DEPTOR: variants seen among roughly 807,000 people sequenced by gnomAD.
DEPTOR encodes DEP domain-containing mTOR-interacting protein.
A neutral mutation model predicts 41.6 loss-of-function variants in DEPTOR; 41 were observed. That is an observed-to-expected ratio of 0.98 (90% confidence interval 0.77 to 1.28). The LOEUF (loss-of-function observed/expected upper bound fraction) is 1.28. DEPTOR is among the 50% of genes most tolerant of loss of function. The pLI, the probability that DEPTOR is intolerant of heterozygous loss-of-function variation, is 0.00. For missense variants in DEPTOR, 514 were observed against 527.9 expected (o/e 0.97, Z 0.26); for synonymous variants, 195 against 192.3 (o/e 1.01, Z -0.12).
intron 1 of DEPTOR, among the ~76,000 whole-genome samples, chr8:119,910,760 C>T (rs1266566393): frequency 6.6e-6 from 1 of 152,158 alleles, no homozygotes; most frequent in African/African-American, 2.4e-5. Flanking sequence ...CATTTTAACT[C>T]ACATTCTGTT....
intron 8 of DEPTOR, among the ~76,000 whole-genome samples, chr8:120,027,916 T>C (rs1812822716): frequency 6.6e-6 from 1 of 152,142 alleles, no homozygotes; most frequent in Non-Finnish European, 1.5e-5. Flanking sequence ...CAGACTCAGT[T>C]GGTCTGGGGT....
At chr8:119,986,165 C>T (rs999775167) in intron 4 of DEPTOR, among the ~76,000 whole-genome samples, 1 of 152,032 alleles carries the variant, frequency 6.6e-6, no homozygotes, top group Non-Finnish European at 1.5e-5. Flanking sequence ...GTGGCTCGTA[C>T]TGGTTGTTCC....
intron 4 of DEPTOR, among the ~76,000 whole-genome samples, chr8:119,972,748 T>G (rs1486510775): frequency 6.6e-6 from 1 of 152,018 alleles, no homozygotes; most frequent in Admixed American, 6.6e-5. Context: ...GAAGATGAGA[T>G]GCTAACTGCA....
chr8:120,030,965 G>A (rs66608823), intron 8 of DEPTOR, among the ~76,000 whole-genome samples: 40,796 of 151,824 alleles, frequency 0.27, 5,737 homozygotes, highest in South Asian at 0.47. Context: ...GGCAGGAGGC[G>A]TATGGAAAGT....
Position 119,923,745 on chromosome 8 carries a change from T to C in DEPTOR, c.123-4655T>C, listed in dbSNP as rs1827927394. 8.5e-5 allele frequency among the ~76,000 whole-genome samples: 13 copies of C among 152,172 alleles called. No individual in the cohort carries two copies. In the South Asian group the frequency reaches 2.7e-3, roughly 32 times the overall value. On this transcript the variant is annotated intron_variant, in intron 1 of 8. Transcript: ENST00000286234. ...TTATTTTCTTGACTTTATGTTCTTT[T>C]TAAATTGTTTTAAAATTTTTTATAG...
intron 1 of DEPTOR, among the ~76,000 whole-genome samples, chr8:119,889,664 GGGAGGGGAGA>G (rs1230627583): frequency 8.3e-6 from 1 of 121,164 alleles, no homozygotes; most frequent in Admixed American, 8.3e-5. Context: ...GGGAGGGGAG[GGGAGGGGAGA>G]GGAGGGGAGG....
intron 4 of DEPTOR, among the ~76,000 whole-genome samples, chr8:119,979,167 G>A (rs1828732399): frequency 6.6e-6 from 1 of 152,148 alleles, no homozygotes; most frequent in African/African-American, 2.4e-5. Flanking sequence ...AAATATGTGT[G>A]TTGATTAATA....
intron 8 of DEPTOR, among the ~76,000 whole-genome samples, chr8:120,030,497 G>GTTTCTTTTTTTTTTTTTTTTT (rs1207108457): frequency 2.2e-5 from 1 of 46,192 alleles, no homozygotes; most frequent in Non-Finnish European, 3.7e-5. Flanking sequence ...AGGTTCATCA[G>GTTTCTTTTTTTTTTTTTTTTT]TTTTTTTTTT....
At chr8:119,936,939 G>A (rs536397945) in intron 3 of DEPTOR, among the ~76,000 whole-genome samples, 4 of 152,140 alleles carry the variant, frequency 2.6e-5, no homozygotes, top group African/African-American at 4.8e-5. Flanking sequence ...TGGGAGAATT[G>A]CTTGAACCTG....
At chr8:119,906,825 T>C (rs139419078) in intron 1 of DEPTOR, among the ~76,000 whole-genome samples, 5 of 152,310 alleles carry the variant, frequency 3.3e-5, no homozygotes, top group African/African-American at 1.2e-4. Flanking sequence ...CTGTTTATCT[T>C]AGGGTAGTCA....
intron 7 of DEPTOR, among the ~76,000 whole-genome samples, chr8:120,008,082 G>A (rs1812472167): frequency 6.6e-6 from 1 of 152,204 alleles, no homozygotes; most frequent in Non-Finnish European, 1.5e-5. Flanking sequence ...TAAACTGCCA[G>A]CTCTAATAAT....
At chr8:120,041,224 T>C (rs2130198555) in intron 8 of DEPTOR, among the ~76,000 whole-genome samples, 1 of 152,296 alleles carries the variant, frequency 6.6e-6, no homozygotes, top group East Asian at 1.9e-4. Context: ...AGGTGTAGTG[T>C]TTCTCCCCAA....
chr8:120,042,720 T>C (rs1160543014), intron 8 of DEPTOR, among the ~76,000 whole-genome samples: 1 of 152,010 alleles, frequency 6.6e-6, no homozygotes, highest in Non-Finnish European at 1.5e-5. Flanking sequence ...GGTCTCACCA[T>C]GTTGGGTCAA....
At chr8:119,880,586 T>G (rs1370948882) in intron 1 of DEPTOR, among the ~76,000 whole-genome samples, 1 of 152,192 alleles carries the variant, frequency 6.6e-6, no homozygotes, top group Non-Finnish European at 1.5e-5. Context: ...TGTGACAACT[T>G]TGGTAAATAA....
rs940658167 is a variant in DEPTOR at position 120,044,077 on chromosome 8, A to G, written c.1102-5499A>G. ...CAGAAATCAGCTAGCCTAACAAAAAAAAAAAAGAAAAAAGAAATTGATTAG... is the reference window on the plus strand; with the variant it reads ...CAGAAATCAGCTAGCCTAACAAAAAGAAAAAAGAAAAAAGAAATTGATTAG... On this transcript the variant is annotated intron_variant, in intron 8 of 8. Transcript: ENST00000286234. 3.9e-5 allele frequency among the ~76,000 whole-genome samples: 6 copies of G among 151,964 alleles called. 1 individual carries two copies. Among genetic ancestry groups the G allele is most frequent in the Admixed American group, 2.0e-4 (3 of 15,252 alleles).
chr8:119,904,947 A>C (rs1345335802), intron 1 of DEPTOR, among the ~76,000 whole-genome samples: 2 of 146,156 alleles, frequency 1.4e-5, no homozygotes, highest in Non-Finnish European at 3.0e-5. Flanking sequence ...ACACGCTACC[A>C]TGCCTGGCTA....
At chr8:119,970,564 G>A (rs913732903) in intron 4 of DEPTOR, among the ~76,000 whole-genome samples, 2 of 152,152 alleles carry the variant, frequency 1.3e-5, no homozygotes, top group East Asian at 1.9e-4. Flanking sequence ...AAGTGGCCAC[G>A]TCTGCATCTT....
chr8:119,969,292 C>A (rs993917689), intron 4 of DEPTOR, among the ~76,000 whole-genome samples: 27 of 151,958 alleles, frequency 1.8e-4, no homozygotes, highest in African/African-American at 6.5e-4. Context: ...AACAGAAACA[C>A]CATAAAGGTA....
At chr8:119,888,471 TC>T (rs1827402644) in intron 1 of DEPTOR, among the ~76,000 whole-genome samples, 2 of 152,194 alleles carry the variant, frequency 1.3e-5, no homozygotes, top group Non-Finnish European at 2.9e-5. Flanking sequence ...GGCTCTGTCT[TC>T]CTGTTGAATT....
Sources: allele counts gnomAD v4.1 joint callset (sites outside exome capture counted in the v4.1 genomes callset), GRCh38; gene constraint gnomAD v4.1.1; transcripts MANE v1.5; gene names NCBI Gene and HGNC (gene_info 2026-07-23, HGNC 2026-07-21).